Variants in HYKK observed in about 807,000 individuals in gnomAD.
HYKK encodes hydroxylysine kinase.
Under a neutral mutation model 29.7 loss-of-function variants are expected in HYKK, and 19 were observed. The ratio of observed to expected loss-of-function variants is 0.64; its 90% CI spans 0.45 to 0.94. HYKK has a LOEUF of 0.94. Among genes scored for constraint, HYKK ranks in the 40% least tolerant of loss-of-function variants. The pLI is 0.00. For missense variants in HYKK, 390 were observed against 443.4 expected, an observed-to-expected ratio of 0.88 and a Z score of 1.08; for synonymous variants, 152 against 158.1, an observed-to-expected ratio of 0.96 and a Z score of 0.29.
intron 3 of HYKK, among the ~76,000 whole-genome samples, chr15:78,516,879 T>C (rs1206887251): frequency 6.6e-6 from 1 of 151,738 alleles, no homozygotes; most frequent in Non-Finnish European, 1.5e-5. Context: ...AAAATTACCC[T>C]GGCATGGTGG....
intron 3 of HYKK, among the ~76,000 whole-genome samples, chr15:78,517,109 C>CTTTTTTT (rs34680285): frequency 6.5e-5 from 7 of 108,404 alleles, no homozygotes; most frequent in Non-Finnish European, 9.3e-5. Flanking sequence ...TTCTTTCTTT[C>CTTTTTTT]TTTTTTTTTT....
intron 1 of HYKK, among the ~76,000 whole-genome samples, chr15:78,510,201 T>C (rs917273384): frequency 3.3e-5 from 5 of 151,824 alleles, no homozygotes; most frequent in African/African-American, 9.7e-5. Flanking sequence ...TTCTTTCTTT[T>C]TGATGGAATT....
downstream of HYKK, chr15:78,537,214 T>A: frequency 2.0e-6 from 1 of 494,436 alleles, no homozygotes; most frequent in South Asian, 4.0e-5. Context: ...TATCTACCTA[T>A]CCATCCTTCC....
chr15:78,522,414 C>T (rs2052205952), intron 3 of HYKK, among the ~76,000 whole-genome samples: 1 of 150,462 alleles, frequency 6.6e-6, no homozygotes, highest in Non-Finnish European at 1.5e-5. Flanking sequence ...TTTTAATTAG[C>T]TGGGTGTGGT....
chr15:78,514,729 T>C (rs1371899563), intron 2 of HYKK, among the ~76,000 whole-genome samples: 1 of 152,174 alleles, frequency 6.6e-6, no homozygotes, highest in East Asian at 1.9e-4. Context: ...TGTTAAGGTT[T>C]GTATATTCTA....
intron 3 of HYKK, among the ~76,000 whole-genome samples, chr15:78,521,355 T>C (rs1039783230): frequency 3.3e-5 from 5 of 151,988 alleles, no homozygotes; most frequent in African/African-American, 1.2e-4. Flanking sequence ...ATGAGTATGA[T>C]TGTGGTCAAA....
Sources: allele counts gnomAD v4.1 joint callset (sites outside exome capture counted in the v4.1 genomes callset), GRCh38; gene constraint gnomAD v4.1.1; transcripts MANE v1.5; gene names NCBI Gene and HGNC (gene_info 2026-07-23, HGNC 2026-07-21).